UBE2E3: variants seen among roughly 807,000 people sequenced by gnomAD.
UBE2E3 encodes the protein ubiquitin-conjugating enzyme E2 E3.
In UBE2E3, 5 loss-of-function variants were observed where a neutral mutation model predicts 23.6. The observed-to-expected ratio is 0.21, with a 90% CI of 0.11 to 0.44. The LOEUF is 0.44. Among genes scored for constraint, UBE2E3 ranks in the 20% least tolerant of loss-of-function variants. UBE2E3 has a pLI of 0.99. For missense variants in UBE2E3, 81 were observed against 249.8 expected (o/e 0.32, Z 4.55); for synonymous variants, 78 against 87.5 (o/e 0.89, Z 0.60).
intron 3 of UBE2E3, chr2:180,990,160 C>T: frequency 1.7e-6 from 1 of 586,624 alleles, no homozygotes. Flanking sequence ...CAATTTTTGT[C>T]CTCCCCTTCC....
At chr2:181,056,111 G>T (rs1355916488) in intron 3 of UBE2E3, among the ~76,000 whole-genome samples, 2 of 148,604 alleles carry the variant, frequency 1.3e-5, no homozygotes, top group African/African-American at 4.9e-5. Flanking sequence ...ATGCTAACAT[G>T]TTGCAAGGAT....
At chr2:181,035,661 TC>T (rs566725085) in intron 3 of UBE2E3, among the ~76,000 whole-genome samples, 275 of 152,274 alleles carry the variant, frequency 1.8e-3, no homozygotes, top group African/African-American at 6.5e-3. Context: ...TTCGAAAACT[TC>T]CTTGAAACAT....
At chr2:180,993,378 T>A (rs1684728388) in intron 3 of UBE2E3, among the ~76,000 whole-genome samples, 1 of 152,140 alleles carries the variant, frequency 6.6e-6, no homozygotes, top group African/African-American at 2.4e-5. Context: ...CATTCCAAAG[T>A]TTTTTTGCTG....
chr2:181,015,832 A>G (rs1461055944), intron 3 of UBE2E3, among the ~76,000 whole-genome samples: 1 of 152,080 alleles, frequency 6.6e-6, no homozygotes, highest in African/African-American at 2.4e-5. Context: ...ACTAGAGATG[A>G]TACCCACAAA....
At chr2:181,023,064 G>C (rs1685758581) in intron 3 of UBE2E3, among the ~76,000 whole-genome samples, 1 of 152,210 alleles carries the variant, frequency 6.6e-6, no homozygotes, top group South Asian at 2.1e-4. Context: ...GAAATCACAT[G>C]CATTCAGTAG....
At chr2:181,052,458 A>G (rs897354884) in intron 3 of UBE2E3, among the ~76,000 whole-genome samples, 4 of 151,914 alleles carry the variant, frequency 2.6e-5, no homozygotes, top group Admixed American at 6.6e-5. Context: ...AGGTTGGACA[A>G]GTTTGCTAGA....
At chr2:181,052,066 G>GTGC (rs59000432) in intron 3 of UBE2E3, among the ~76,000 whole-genome samples, 35,102 of 151,534 alleles carry the variant, frequency 0.23, 4,393 homozygotes, top group Non-Finnish European at 0.28. Context: ...CTGAATCATT[G>GTGC]TGAAGTGTCT....
intron 3 of UBE2E3, among the ~76,000 whole-genome samples, chr2:181,037,118 A>C (rs1016042885): frequency 1.3e-5 from 2 of 152,234 alleles, no homozygotes; most frequent in African/African-American, 4.8e-5. Context: ...TTGAGGTTGT[A>C]GTCATCGTAG....
intron 3 of UBE2E3, among the ~76,000 whole-genome samples, chr2:181,034,970 A>G (rs1686223054): frequency 6.6e-6 from 1 of 152,166 alleles, no homozygotes; most frequent in Non-Finnish European, 1.5e-5. Context: ...GAACTATTAG[A>G]GAAAGGGGAA....
chr2:181,022,663 A>G (rs886756279), intron 3 of UBE2E3, among the ~76,000 whole-genome samples: 1 of 152,024 alleles, frequency 6.6e-6, no homozygotes, highest in Non-Finnish European at 1.5e-5. Flanking sequence ...ACCATTTCAA[A>G]CAATGAAATT....
Position 181,060,751 on chromosome 2 carries a change from C to G in UBE2E3, c.465C>G (p.Pro155=). 1 of 1,611,168 alleles carries G rather than the reference C, an allele frequency of 6.2e-7. No homozygotes were observed. Among genetic ancestry groups the G allele is most frequent in the Non-Finnish European group, 8.5e-7 (1 of 1,178,446 alleles). ...CLDILKDNWS[P]ALTISKVLLS... ...ACATCCTTAAAGACAACTGGAGTCC[C>G]GCTTTGACTATTTCAAAGGTTTTGC... Residue 155 remains proline (P), a synonymous_variant, in exon 5 of 6, where the codon CCC becomes CCG. Coordinates refer to ENST00000410062, the MANE Select transcript of UBE2E3 (RefSeq NM_006357.4).
intron 3 of UBE2E3, among the ~76,000 whole-genome samples, chr2:181,007,705 G>A (rs985794480): frequency 6.4e-4 from 98 of 152,214 alleles, no homozygotes; most frequent in African/African-American, 2.3e-3. Flanking sequence ...AACAGTGAAT[G>A]GAGGCCAGTA....
chr2:180,991,149 A>C lies in UBE2E3; in HGVS notation c.245+7056A>C, dbSNP rs906415293. 4.0e-5 allele frequency among the ~76,000 whole-genome samples: 6 copies of C among 151,014 alleles called. No homozygotes were observed. In the East Asian group the frequency reaches 9.7e-4, roughly 25 times the overall value. ...TAACAACCTTATTAAAAAACCTTTG[A>C]TTTTTTTTTCTTTTTTTTCAGAGTT... On this transcript the variant is annotated intron_variant, in intron 3 of 5. Coordinates refer to ENST00000410062, the MANE Select transcript of UBE2E3 (RefSeq NM_006357.4).
At chr2:181,049,816 G>A (rs1228745592) in intron 3 of UBE2E3, among the ~76,000 whole-genome samples, 2 of 151,988 alleles carry the variant, frequency 1.3e-5, no homozygotes, top group African/African-American at 4.8e-5. Flanking sequence ...TTATGTGTAT[G>A]TATATAGCAC....
chr2:180,982,425 G>T (rs1273497485), intron 2 of UBE2E3, among the ~76,000 whole-genome samples, 189 bp downstream of exon 2: 1 of 152,176 alleles, frequency 6.6e-6, no homozygotes, highest in Non-Finnish European at 1.5e-5. Context: ...ATACTTTTAA[G>T]CAAACTTAAT....
At chr2:181,009,831 A>T (rs1685264191) in intron 3 of UBE2E3, among the ~76,000 whole-genome samples, 1 of 152,158 alleles carries the variant, frequency 6.6e-6, no homozygotes, top group Non-Finnish European at 1.5e-5. Flanking sequence ...AGTTTGTATT[A>T]ATAAAGTGCA....
intron 3 of UBE2E3, among the ~76,000 whole-genome samples, chr2:180,989,104 A>T (rs1684574701): frequency 6.6e-6 from 1 of 152,132 alleles, no homozygotes; most frequent in Non-Finnish European, 1.5e-5. Flanking sequence ...AAACCTCAAA[A>T]ATCATGAGGG....
intron 3 of UBE2E3, among the ~76,000 whole-genome samples, chr2:181,030,330 T>C (rs1686036790): frequency 1.3e-5 from 2 of 152,120 alleles, no homozygotes; most frequent in African/African-American, 4.8e-5. Flanking sequence ...TATTTATTTT[T>C]TGAGACGGAG....
intron 3 of UBE2E3, among the ~76,000 whole-genome samples, chr2:181,046,434 G>A (rs537654367): frequency 2.0e-5 from 3 of 152,248 alleles, no homozygotes; most frequent in South Asian, 4.1e-4. Flanking sequence ...TCTGTGTTTA[G>A]TTTAAGCCTC....
Sources: allele counts gnomAD v4.1 joint callset (sites outside exome capture counted in the v4.1 genomes callset), GRCh38; gene constraint gnomAD v4.1.1; transcripts MANE v1.5; gene names NCBI Gene and HGNC (gene_info 2026-07-23, HGNC 2026-07-21).